CCDC102B: variants seen among roughly 807,000 people sequenced by gnomAD.
CCDC102B encodes the protein coiled-coil domain-containing protein 102B.
A neutral mutation model predicts 57.4 loss-of-function variants in CCDC102B; 75 were observed. That is an observed-to-expected ratio of 1.31 (90% CI 1.08 to 1.58). The LOEUF is 1.58. CCDC102B is among the 40% of genes most tolerant of loss of function. The pLI is 0.00. For synonymous variants in CCDC102B, 206 were observed against 201.9 expected (o/e 1.02, Z -0.17); for missense variants, 636 against 582.6 (o/e 1.09, Z -0.94).
intron 3 of CCDC102B, among the ~76,000 whole-genome samples, chr18:68,841,451 T>C (rs1369936385): frequency 6.6e-6 from 1 of 152,214 alleles, no homozygotes; most frequent in East Asian, 1.9e-4. Flanking sequence ...ATATTTCTGT[T>C]GACTTTCATA....
At chr18:68,904,367 G>C (rs7241747) in intron 6 of CCDC102B, among the ~76,000 whole-genome samples, 137,169 of 152,250 alleles carry the variant, frequency 0.9, 61,868 homozygotes, top group Admixed American at 0.92. Flanking sequence ...CTGCTTGCAG[G>C]AAGTGCTAAG....
intron 2 of CCDC102B, among the ~76,000 whole-genome samples, chr18:68,734,209 T>A (rs2033025002): frequency 1.3e-5 from 2 of 152,196 alleles, no homozygotes; most frequent in Non-Finnish European, 2.9e-5. Flanking sequence ...AAGAGAATAG[T>A]TAGCTTCCCT....
At chr18:69,044,115 T>C (rs2052499944) in intron 7 of CCDC102B, among the ~76,000 whole-genome samples, 1 of 152,110 alleles carries the variant, frequency 6.6e-6, no homozygotes, top group Non-Finnish European at 1.5e-5. Flanking sequence ...GAAAGAATGA[T>C]TTAATGGTAA....
intron 3 of CCDC102B, among the ~76,000 whole-genome samples, chr18:68,844,303 A>G (rs1419649390): frequency 6.6e-6 from 1 of 151,784 alleles, no homozygotes; most frequent in African/African-American, 2.4e-5. Flanking sequence ...TATTATAAAT[A>G]AAATAATTCT....
intron 7 of CCDC102B, among the ~76,000 whole-genome samples, chr18:69,021,869 C>A (rs2051843360): frequency 6.6e-6 from 1 of 152,104 alleles, no homozygotes; most frequent in African/African-American, 2.4e-5. Flanking sequence ...TCTAACAATT[C>A]CAATAATTTC....
intron 3 of CCDC102B, among the ~76,000 whole-genome samples, chr18:68,840,630 A>T (rs1227725556): frequency 1.3e-5 from 2 of 152,210 alleles, no homozygotes; most frequent in African/African-American, 2.4e-5. Context: ...TATACATTTC[A>T]GTCACATTCT....
chr18:68,805,215 T>A (rs2144694084), intron 1 of CCDC102B, among the ~76,000 whole-genome samples: 1 of 152,278 alleles, frequency 6.6e-6, no homozygotes, highest in South Asian at 2.1e-4. Flanking sequence ...GAATAAGATA[T>A]GAAAATTTTG....
intron 6 of CCDC102B, among the ~76,000 whole-genome samples, chr18:68,950,491 A>T (rs1308532271): frequency 6.6e-6 from 1 of 152,166 alleles, no homozygotes; most frequent in Admixed American, 6.5e-5. Context: ...ACCCAATTAA[A>T]TCCTAGAATT....
At chr18:68,760,305 A>G (rs1327615483) in intron 2 of CCDC102B, among the ~76,000 whole-genome samples, 1 of 152,094 alleles carries the variant, frequency 6.6e-6, no homozygotes, top group Non-Finnish European at 1.5e-5. Flanking sequence ...ACGACCTGTA[A>G]TATAGAGGAG....
intron 6 of CCDC102B, among the ~76,000 whole-genome samples, chr18:68,999,047 TA>T (rs2051128497): frequency 7.1e-6 from 1 of 141,566 alleles, no homozygotes; most frequent in African/African-American, 2.7e-5. Context: ...GTCATTATCA[TA>T]AAATAATGAA....
chr18:68,802,033 T>C (rs1313145757), intron 1 of CCDC102B, among the ~76,000 whole-genome samples: 1 of 152,114 alleles, frequency 6.6e-6, no homozygotes, highest in Non-Finnish European at 1.5e-5. Flanking sequence ...AATTATAAGG[T>C]GCTCAGTGGG....
intron 2 of CCDC102B, among the ~76,000 whole-genome samples, chr18:68,776,608 A>C (rs191592176): frequency 1.1e-4 from 16 of 152,300 alleles, no homozygotes; most frequent in Non-Finnish European, 2.2e-4. Context: ...AGTGGGAGCT[A>C]AATGATGAAA....
chr18:68,730,646 T>C (rs538607251), intron 2 of CCDC102B, among the ~76,000 whole-genome samples: 97 of 152,318 alleles, frequency 6.4e-4, no homozygotes, highest in African/African-American at 2.3e-3. Context: ...TAAACATTAA[T>C]GTAATCTCAC....
At chr18:68,740,619 G>C (rs2033338312) in intron 2 of CCDC102B, among the ~76,000 whole-genome samples, 1 of 152,150 alleles carries the variant, frequency 6.6e-6, no homozygotes, top group Admixed American at 6.5e-5. Flanking sequence ...GTGGTGAGGA[G>C]GTGAGGACCT....
chr18:68,838,464 CAA>C (rs202025648), intron 2 of CCDC102B: 20,066 of 984,966 alleles, frequency 0.02, 286 homozygotes, highest in Middle Eastern at 0.053. Context: ...AGAGAACAAA[CAA>C]GAGTTAAAGC....
At chr18:69,025,656 A>G (rs185541942) in intron 7 of CCDC102B, among the ~76,000 whole-genome samples, 1 of 152,332 alleles carries the variant, frequency 6.6e-6, no homozygotes, top group East Asian at 1.9e-4. Context: ...TTGTTGTTTC[A>G]AGAACCTGAA....
chr18:69,021,621 T>C (rs556556531), intron 7 of CCDC102B, among the ~76,000 whole-genome samples: 2 of 152,342 alleles, frequency 1.3e-5, no homozygotes, highest in African/African-American at 4.8e-5. Context: ...AAGATGGCGG[T>C]ATTCACAGGA....
At chr18:69,046,564 C>T (rs1417585965) in intron 7 of CCDC102B, among the ~76,000 whole-genome samples, 1 of 151,964 alleles carries the variant, frequency 6.6e-6, no homozygotes, top group Non-Finnish European at 1.5e-5. Flanking sequence ...CCTTATGATA[C>T]TTTATTTTGC....
downstream of CCDC102B, among the ~76,000 whole-genome samples, chr18:69,056,629 G>GATA (rs2052819426): frequency 2.3e-5 from 3 of 132,764 alleles, no homozygotes; most frequent in Non-Finnish European, 4.8e-5. Context: ...AATTTAGATA[G>GATA]ATAGATAATA....
Sources: gnomAD v4.1 joint callset for allele counts (sites outside exome capture counted in the v4.1 genomes callset) on GRCh38, gnomAD v4.1.1 for gene constraint, MANE v1.5 for transcripts, NCBI Gene and HGNC (gene_info 2026-07-23, HGNC 2026-07-21) for gene names.